LRP1B: variants seen among roughly 807,000 people sequenced by gnomAD.
The protein encoded by LRP1B is LDL receptor related protein 1B.
LRP1B carries 217 observed loss-of-function variants against 556.6 expected under a neutral mutation model. The observed-to-expected ratio is 0.39, with a 90% CI of 0.35 to 0.44. LRP1B has a LOEUF of 0.44. LRP1B is among the 20% of genes least tolerant of loss of function. The probability of loss-of-function intolerance (pLI) is 1.00; values close to 1 mark genes in which losing one functional copy is unlikely to be tolerated. For synonymous variants in LRP1B, 2,047 were observed against 1,865.8 expected (o/e 1.10, Z -2.50); for missense variants, 5,053 against 5,620.8 (o/e 0.90, Z 3.23).
At chr2:140,674,312 C>A (rs1031114773) in intron 41 of LRP1B, among the ~76,000 whole-genome samples, 1 of 152,148 alleles carries the variant, frequency 6.6e-6, no homozygotes, top group African/African-American at 2.4e-5. Context: ...AGCTCTTTCT[C>A]CATTCAGGCC....
intron 77 of LRP1B, among the ~76,000 whole-genome samples, chr2:140,341,705 G>A (rs748298006): frequency 1.3e-5 from 2 of 151,462 alleles, no homozygotes; most frequent in Non-Finnish European, 3.0e-5. Flanking sequence ...GGATATATAT[G>A]TGCTTGTTTA....
chr2:141,780,837 G>A (rs1437011567), intron 2 of LRP1B, among the ~76,000 whole-genome samples: 2 of 152,036 alleles, frequency 1.3e-5, no homozygotes, highest in Non-Finnish European at 2.9e-5. Flanking sequence ...ACCTTACCAT[G>A]GATTACTTTT....
At chr2:142,099,067 A>G (rs1315254298) in intron 1 of LRP1B, among the ~76,000 whole-genome samples, 1 of 151,864 alleles carries the variant, frequency 6.6e-6, no homozygotes, top group East Asian at 1.9e-4. Flanking sequence ...GCCTGAAAAC[A>G]TTATTCATAT....
Position 140,923,140 on chromosome 2 carries a change from A to C in LRP1B, c.3144T>G (p.His1048Gln), listed in dbSNP as rs1694789643. 6.2e-7 allele frequency: 1 copy of C among 1,611,450 alleles called. No homozygotes were observed. Reference protein sequence around the residue: ...AQINCTKEEIHSPAGCNGNEF... With the variant: ...AQINCTKEEIQSPAGCNGNEF... ...CATTTCCGTTACAACCAGCAGGAGA[A>C]TGAATCTCTTAATTTGAAATGAGGA... is the stretch of plus-strand genomic sequence containing the variant. The change falls in exon 21 of 91, where the codon CAT becomes CAG. Residue 1048 changes from histidine to glutamine, a missense_variant. Around this residue, in one of 5 missense-constraint regions of LRP1B, gnomAD observed 3,619 missense variants for 3,931.9 expected, o/e 0.92. Coordinates refer to ENST00000389484, the MANE Select transcript of LRP1B (RefSeq NM_018557.3).
At chr2:141,407,253 A>C (rs1305117592) in intron 3 of LRP1B, among the ~76,000 whole-genome samples, 1 of 152,162 alleles carries the variant, frequency 6.6e-6, no homozygotes, top group African/African-American at 2.4e-5. Context: ...ATAATTCTCA[A>C]TAAAATAATA....
intron 41 of LRP1B, among the ~76,000 whole-genome samples, chr2:140,679,069 G>T (rs953533700): frequency 6.6e-6 from 1 of 152,052 alleles, no homozygotes; most frequent in African/African-American, 2.4e-5. Context: ...GAGCCACCAC[G>T]CCCGGCCAGG....
intron 35 of LRP1B, among the ~76,000 whole-genome samples, chr2:140,742,465 T>C (rs1190386076): frequency 6.6e-6 from 1 of 152,202 alleles, no homozygotes; most frequent in African/African-American, 2.4e-5. Context: ...AATTAAAATA[T>C]ATGTTATATC....
chr2:140,320,222 G>A (rs927583680), intron 82 of LRP1B, among the ~76,000 whole-genome samples: 19 of 152,026 alleles, frequency 1.2e-4, no homozygotes, highest in Non-Finnish European at 7.4e-5. Flanking sequence ...TGTGGCTTGT[G>A]TCACTGGCCA....
intron 2 of LRP1B, among the ~76,000 whole-genome samples, chr2:141,682,541 A>C (rs1437351): frequency 0.46 from 69,865 of 151,900 alleles, 16,595 homozygotes; most frequent in East Asian, 0.58. Context: ...CTCTGCTGAA[A>C]AAGTGGAAAA....
intron 41 of LRP1B, among the ~76,000 whole-genome samples, chr2:140,645,621 G>T (rs1684454424): frequency 7.5e-6 from 1 of 133,956 alleles, no homozygotes; most frequent in East Asian, 2.4e-4. Flanking sequence ...CTCACTGCAA[G>T]CTCCGCCTCC....
chr2:140,423,589 C>A (rs1198218193), intron 66 of LRP1B, among the ~76,000 whole-genome samples: 1 of 152,004 alleles, frequency 6.6e-6, no homozygotes, highest in Admixed American at 6.6e-5. Context: ...TTGATTATCT[C>A]TACTAATAGA....
chr2:142,116,192 C>CAAAAAA (rs70994477), intron 1 of LRP1B, among the ~76,000 whole-genome samples: 15 of 65,434 alleles, frequency 2.3e-4, no homozygotes, highest in Middle Eastern at 0.014. Flanking sequence ...GAGTCTGTCT[C>CAAAAAA]AAAAAAAAAA....
chr2:140,689,889 T>A lies in LRP1B; in HGVS notation c.6799+10361A>T, dbSNP rs967582381. On this transcript the variant is annotated intron_variant, in intron 41 of 90. Coordinates refer to ENST00000389484, the MANE Select transcript of LRP1B (RefSeq NM_018557.3). ...CAAACAGAAACCTTGTTAGAATTTC[T>A]AACATGATGTACTGGGGCAGTCTCC... 2.0e-5 allele frequency among the ~76,000 whole-genome samples: 3 copies of A among 152,312 alleles called. No individual in the cohort carries two copies. The East Asian group carries it at 5.8e-4, about 29-fold the overall frequency.
rs914818685 is a variant in LRP1B at position 140,534,119 on chromosome 2, C to A, written c.7664G>T (p.Gly2555Val). The change falls in exon 47 of 91, where the codon GGC becomes GTC. Residue 2555 changes from glycine (G) to valine (V), a missense_variant. Gly to Val is a moderately radical substitution (Grantham distance 109, BLOSUM62 -3). This residue lies in a region of LRP1B where 3,619 missense variants were observed against 3,931.9 expected (regional missense o/e 0.92). Coordinates refer to ENST00000389484, the MANE Select transcript of LRP1B (RefSeq NM_018557.3). ...GCGGCGATTATAGCATGGCTTGAAG[C>A]CTCTTCGACAGCTTCTGTTTTCTTA... ...LYCENRSCRRGFKPCYNRRCI... is the reference protein window; with the variant it reads ...LYCENRSCRRVFKPCYNRRCI... 2.5e-6 allele frequency: 4 copies of A among 1,612,772 alleles called. No individual in the cohort carries two copies. The African/African-American group carries it at 5.3e-5, about 22-fold the overall frequency.
chr2:140,406,940 T>TC (rs1243900726), intron 66 of LRP1B, among the ~76,000 whole-genome samples: 10 of 152,110 alleles, frequency 6.6e-5, no homozygotes, highest in African/African-American at 2.2e-4. Flanking sequence ...AGACTTCAAA[T>TC]CATATTGCAA....
intron 29 of LRP1B, among the ~76,000 whole-genome samples, 154 bp downstream of exon 29, chr2:140,849,948 G>A (rs1692406763): frequency 6.6e-6 from 1 of 152,056 alleles, no homozygotes; most frequent in African/African-American, 2.4e-5. Flanking sequence ...TTCTACAATA[G>A]TAAGGATGTA....
intron 77 of LRP1B, among the ~76,000 whole-genome samples, chr2:140,337,963 A>T (rs1271517975): frequency 1.3e-5 from 2 of 151,704 alleles, no homozygotes; most frequent in Non-Finnish European, 2.9e-5. Flanking sequence ...TGATTTAGTG[A>T]TACTTTTTCA....
chr2:140,254,311 T>A (rs892965119), intron 86 of LRP1B, among the ~76,000 whole-genome samples: 1 of 152,186 alleles, frequency 6.6e-6, no homozygotes, highest in Non-Finnish European at 1.5e-5. Context: ...GTTTTGAGTA[T>A]GTGAATGTCT....
intron 3 of LRP1B, among the ~76,000 whole-genome samples, chr2:141,446,544 G>A (rs1559074646): frequency 6.6e-6 from 1 of 152,136 alleles, no homozygotes; most frequent in Non-Finnish European, 1.5e-5. Context: ...GCCATGTCTG[G>A]TACCTGTTTT....
Sources: allele counts gnomAD v4.1 joint callset (sites outside exome capture counted in the v4.1 genomes callset), GRCh38; gene constraint gnomAD v4.1.1; regional missense constraint gnomAD v4.1.1; transcripts MANE v1.5; gene names NCBI Gene and HGNC (gene_info 2026-07-23, HGNC 2026-07-21).